PROCR: variants seen among roughly 807,000 people sequenced by gnomAD.
PROCR encodes endothelial protein C receptor.
PROCR carries 22 observed loss-of-function variants against 24.2 expected under a neutral mutation model. The ratio of observed to expected loss-of-function variants is 0.91; its 90% CI spans 0.65 to 1.30. The LOEUF (loss-of-function observed/expected upper bound fraction) is 1.30. PROCR is among the 50% of genes most tolerant of loss of function. The probability of loss-of-function intolerance (pLI) is 0.00; values close to 1 mark genes in which losing one functional copy is unlikely to be tolerated. For missense variants in PROCR, 288 were observed against 307.7 expected (o/e 0.94, Z 0.48); for synonymous variants, 137 against 139.2 (o/e 0.98, Z 0.11).
At chr20:35,204,519 C>T (rs1397062110) in intron 1 of PROCR, among the ~76,000 whole-genome samples, 1 of 151,842 alleles carries the variant, frequency 6.6e-6, no homozygotes, top group Non-Finnish European at 1.5e-5. Context: ...TCACTGCAGC[C>T]AAGACTTCCA....
chr20:35,177,006 G>T lies in PROCR; in HGVS notation c.*193G>T. The T allele has an allele frequency of 1.4e-6, 2 of 1,430,612 alleles. No homozygotes were observed. 88.6% of individuals were successfully genotyped at this position (1,430,612 alleles called of 1,614,324 possible). ...AGAGGAGAGGTGGACAAAGTACTTG[G>T]TTTGCTAAGAACCTAAGAACGTGTA... On this transcript the variant is annotated 3_prime_UTR_variant, in exon 4 of 4. Transcript: ENST00000216968.
chr20:35,188,341 TA>T (rs1045798615), intron 1 of PROCR, among the ~76,000 whole-genome samples: 4 of 152,140 alleles, frequency 2.6e-5, no homozygotes, highest in African/African-American at 9.7e-5. Flanking sequence ...TCAAAGTAAT[TA>T]TAAGCTATGT....
intron 1 of PROCR, among the ~76,000 whole-genome samples, chr20:35,173,947 G>A (rs1364579533): frequency 6.6e-6 from 1 of 152,202 alleles, no homozygotes; most frequent in African/African-American, 2.4e-5. Flanking sequence ...ATCCTGTGGG[G>A]AGGCAGTGTA....
intron 1 of PROCR, among the ~76,000 whole-genome samples, chr20:35,191,329 A>G (rs1036203164): frequency 1.3e-5 from 2 of 152,248 alleles, no homozygotes; most frequent in African/African-American, 2.4e-5. Context: ...TAAATAAGAA[A>G]AAGAAAATTA....
Position 35,214,762 on chromosome 20 carries a change from G to A in PROCR, c.95-1131G>A, listed in dbSNP as rs559311921. Among the ~76,000 whole-genome samples the A allele has an allele frequency of 2.3e-4, 35 of 151,940 alleles. No individual in the cohort carries two copies. The South Asian group carries it at 7.1e-3, about 31-fold the overall frequency. Reference sequence around the variant, plus strand: ...TGCATTGGTTTGAATATGCTTTTAAGGGAGAAACCTGAGTAAGAAATACTC... The same window carrying A: ...TGCATTGGTTTGAATATGCTTTTAAAGGAGAAACCTGAGTAAGAAATACTC... On this transcript the variant is annotated intron_variant, in intron 1 of 1. Coordinates refer to the PROCR transcript ENST00000634509.
chr20:35,205,659 G>A (rs1393572298), intron 1 of PROCR, among the ~76,000 whole-genome samples: 2 of 149,350 alleles, frequency 1.3e-5, no homozygotes, highest in Non-Finnish European at 3.0e-5. Context: ...GCTGAGGCAG[G>A]AGAATTGCTT....
chr20:35,214,896 A>G (rs1270300589), intron 1 of PROCR, among the ~76,000 whole-genome samples: 1 of 129,340 alleles, frequency 7.7e-6, no homozygotes, highest in Non-Finnish European at 1.6e-5. Context: ...TTTACCTCCC[A>G]TTTTCTTTTT....
intron 3 of PROCR, 52 bp downstream of exon 3, chr20:35,176,498 G>A (rs1226721198): frequency 6.2e-7 from 1 of 1,607,540 alleles, no homozygotes; most frequent in South Asian, 1.1e-5. Flanking sequence ...GCGGGTTCCA[G>A]ACAAATGGAT....
intron 2 of PROCR, among the ~76,000 whole-genome samples, chr20:35,175,620 T>G (rs1404216447): frequency 7.9e-6 from 1 of 127,022 alleles, no homozygotes; most frequent in African/African-American, 2.9e-5. Context: ...AGTCTTGCTC[T>G]GTCGTCCAGG....
At chr20:35,171,142 C>A (rs2085947454), upstream of PROCR, among the ~76,000 whole-genome samples, 4 of 152,174 alleles carry the variant, frequency 2.6e-5, no homozygotes. Context: ...CTCAAGTGAT[C>A]TGCCCACCTC....
intron 1 of PROCR, among the ~76,000 whole-genome samples, chr20:35,191,160 T>C (rs2146163443): frequency 6.6e-6 from 1 of 152,284 alleles, no homozygotes; most frequent in Middle Eastern, 3.4e-3. Flanking sequence ...TGCCCAGCAA[T>C]CTTTTCTTCT....
chr20:35,172,303 G>A, intron 1 of PROCR, 79 bp downstream of exon 1: 2 of 1,507,208 alleles, frequency 1.3e-6, no homozygotes, highest in Admixed American at 1.7e-5. Context: ...AAGACCACAG[G>A]AGAGCTTATC....
intron 1 of PROCR, 166 bp from the exon 2 acceptor site, chr20:35,174,536 G>A: frequency 1.2e-6 from 1 of 828,814 alleles, no homozygotes; most frequent in Middle Eastern, 3.0e-4. Context: ...TGTCCTCCTG[G>A]CAGAGTTACT....
chr20:35,206,646 A>G (rs2060344020), intron 1 of PROCR, among the ~76,000 whole-genome samples: 2 of 152,156 alleles, frequency 1.3e-5, no homozygotes, highest in Admixed American at 6.6e-5. Context: ...TGCAAATTAA[A>G]ACCACAGTAA....
chr20:35,178,000 G>T (rs758613241), downstream of PROCR, among the ~76,000 whole-genome samples: 2 of 151,914 alleles, frequency 1.3e-5, no homozygotes, highest in Non-Finnish European at 2.9e-5. Context: ...GGTTCCTTTT[G>T]TTCCTGTTTG....
chr20:35,188,274 G>A (rs2086144399), intron 1 of PROCR, among the ~76,000 whole-genome samples: 2 of 152,182 alleles, frequency 1.3e-5, no homozygotes, highest in South Asian at 4.1e-4. Flanking sequence ...GGAACTGATA[G>A]TCTAGAAGGA....
At chr20:35,192,192 A>C (rs1457420319) in intron 1 of PROCR, among the ~76,000 whole-genome samples, 1 of 152,240 alleles carries the variant, frequency 6.6e-6, no homozygotes, top group Non-Finnish European at 1.5e-5. Flanking sequence ...GTATCTACTA[A>C]AGTTGAACAT....
chr20:35,176,459 G>A lies in PROCR; in HGVS notation c.601+13G>A, dbSNP rs776554290. Reference sequence around the variant, plus strand: ...GAAAACACGAAAGGTATGATGGGACGGGGCCCAGGCCTGCAAGCTGGGGAG... The same window carrying A: ...GAAAACACGAAAGGTATGATGGGACAGGGCCCAGGCCTGCAAGCTGGGGAG... On this transcript the variant is annotated intron_variant, in intron 3 of 3. Coordinates refer to ENST00000216968, the MANE Select transcript of PROCR (RefSeq NM_006404.5). The A allele has an allele frequency of 2.6e-5, 42 of 1,612,692 alleles. No individual in the cohort carries two copies. The highest frequency in any genetic ancestry group is 4.0e-5 in the African/African-American group (3 of 74,900).
chr20:35,195,846 AAAG>A (rs1234956066), intron 1 of PROCR, among the ~76,000 whole-genome samples: 1 of 149,806 alleles, frequency 6.7e-6, no homozygotes, highest in Non-Finnish European at 1.5e-5. Flanking sequence ...AAGAAAAAGA[AAAG>A]AAAGAAAGAA....
Sources: allele counts gnomAD v4.1 joint callset (sites outside exome capture counted in the v4.1 genomes callset), GRCh38; gene constraint gnomAD v4.1.1; transcripts MANE v1.5; gene names NCBI Gene and HGNC (gene_info 2026-07-23, HGNC 2026-07-21).